Variants in KDM2A observed in about 807,000 individuals in gnomAD.
KDM2A encodes lysine-specific demethylase 2A.
Under a neutral mutation model 137.3 loss-of-function variants are expected in KDM2A, and 3 were observed. The ratio of observed to expected loss-of-function variants is 0.02; its 90% CI spans 0.01 to 0.06. The LOEUF (loss-of-function observed/expected upper bound fraction) is 0.06. KDM2A is among the 10% of genes least tolerant of loss of function. The probability of loss-of-function intolerance (pLI) is 1.00; values close to 1 mark genes in which losing one functional copy is unlikely to be tolerated. For missense variants in KDM2A, 738 were observed against 1,510.6 expected (o/e 0.49, Z 8.48); for synonymous variants, 512 against 541.5 (o/e 0.95, Z 0.76).
Position 67,257,364 on chromosome 11 carries a change from G to A in KDM2A, c.*2309G>A, listed in dbSNP as rs1438360299. 1 of 152,618 alleles carries A rather than the reference G, an allele frequency of 6.6e-6. No individual in the cohort carries two copies. Among genetic ancestry groups the A allele is most frequent in the Non-Finnish European group, 1.5e-5 (1 of 68,040 alleles). 9.5% of individuals were successfully genotyped at this position (152,618 alleles called of 1,614,324 possible). ...CTTGCTGGGTTTTCCTTTTCTTTGG[G>A]ACTGTGAGGGGAAATGGTTTTTAGA... is the stretch of plus-strand genomic sequence containing the variant. On this transcript the variant is annotated 3_prime_UTR_variant, in exon 21 of 21. Transcript: ENST00000529006.
chr11:67,163,810 A>G (rs1179553001), intron 2 of KDM2A, among the ~76,000 whole-genome samples: 1 of 151,738 alleles, frequency 6.6e-6, no homozygotes, highest in Non-Finnish European at 1.5e-5. Context: ...GAGCCGAGAT[A>G]GCACCACTGT....
intron 5 of KDM2A, among the ~76,000 whole-genome samples, chr11:67,187,990 A>G (rs1410700074): frequency 2.0e-5 from 3 of 152,060 alleles, no homozygotes; most frequent in Admixed American, 6.5e-5. Context: ...CCAGGAATTC[A>G]GAGACCAGCC....
intron 10 of KDM2A, among the ~76,000 whole-genome samples, chr11:67,227,324 G>A (rs1471232641): frequency 6.6e-6 from 1 of 152,152 alleles, no homozygotes; most frequent in Non-Finnish European, 1.5e-5. Flanking sequence ...ATTTGTAATA[G>A]CCTAATATGA....
chr11:67,213,197 T>C (rs1408154749), intron 6 of KDM2A, among the ~76,000 whole-genome samples: 3 of 152,232 alleles, frequency 2.0e-5, no homozygotes, highest in Non-Finnish European at 4.4e-5. Flanking sequence ...ACTTTATGCA[T>C]TTGTCTCCAT....
intron 5 of KDM2A, among the ~76,000 whole-genome samples, chr11:67,199,921 T>C (rs980061846): frequency 6.6e-6 from 1 of 152,184 alleles, no homozygotes; most frequent in Non-Finnish European, 1.5e-5. Context: ...TAGGGGCTAA[T>C]GCAGCTGGTG....
intron 6 of KDM2A, among the ~76,000 whole-genome samples, chr11:67,213,996 A>G (rs1858076408): frequency 1.3e-5 from 2 of 151,832 alleles, no homozygotes; most frequent in Non-Finnish European, 2.9e-5. Context: ...ACAAGTAGCT[A>G]GGACTATAGG....
Position 67,134,124 on chromosome 11 carries a change from A to G in KDM2A, c.42+12766A>G, listed in dbSNP as rs146562453. 6.0e-3 allele frequency among the ~76,000 whole-genome samples: 915 copies of G among 152,356 alleles called. 19 individuals are homozygous for G. The highest frequency in any genetic ancestry group is 8.7e-3 in the Non-Finnish European group (594 of 68,044). On this transcript the variant is annotated intron_variant, in intron 2 of 20. Coordinates refer to ENST00000529006, the MANE Select transcript of KDM2A (RefSeq NM_012308.3). ...TGGGATTTAGCTTGGATTACCAGGA[A>G]GACTGGGGGAAAGATTTTTTGAAAC...
At chr11:67,228,778 C>G (rs1425961131) in intron 11 of KDM2A, among the ~76,000 whole-genome samples, 1 of 151,886 alleles carries the variant, frequency 6.6e-6, no homozygotes, top group African/African-American at 2.4e-5. Context: ...GCCCTGTCGT[C>G]CAAGTTGAAT....
intron 10 of KDM2A, among the ~76,000 whole-genome samples, chr11:67,223,161 C>T (rs995954712): frequency 2.8e-5 from 4 of 144,546 alleles, no homozygotes; most frequent in African/African-American, 1.1e-4. Flanking sequence ...CATTGCACTC[C>T]AGCCTGGGCG....
chr11:67,253,845 G>GAGAGT (rs1167618332), intron 19 of KDM2A, among the ~76,000 whole-genome samples: 1 of 152,242 alleles, frequency 6.6e-6, no homozygotes, highest in Middle Eastern at 3.2e-3. Context: ...TTGGGGCCCA[G>GAGAGT]AGAGTGTAAG....
At chr11:67,227,406 AAT>A (rs2136418451) in intron 10 of KDM2A, among the ~76,000 whole-genome samples, 1 of 152,246 alleles carries the variant, frequency 6.6e-6, no homozygotes, top group African/African-American at 2.4e-5. Flanking sequence ...TTCAGGGGCA[AAT>A]ATAGTAAAGC....
chr11:67,125,693 C>T (rs75747404), intron 2 of KDM2A, among the ~76,000 whole-genome samples: 1 of 151,082 alleles, frequency 6.6e-6, no homozygotes, highest in African/African-American at 2.4e-5. Flanking sequence ...GCAGGAGAAT[C>T]GCTTGAACCT....
chr11:67,172,653 T>C (rs989188402), intron 2 of KDM2A, among the ~76,000 whole-genome samples: 1 of 151,062 alleles, frequency 6.6e-6, no homozygotes, highest in East Asian at 1.9e-4. Context: ...TGTGTGTGGA[T>C]TCCTTATAGT....
At chr11:67,190,457 A>C (rs1253672622) in intron 5 of KDM2A, among the ~76,000 whole-genome samples, 1 of 152,194 alleles carries the variant, frequency 6.6e-6, no homozygotes, top group African/African-American at 2.4e-5. Flanking sequence ...TTCTGTAGAA[A>C]TAAAAAGGAT....
At chr11:67,150,464 A>G (rs1316061856) in intron 2 of KDM2A, among the ~76,000 whole-genome samples, 2 of 152,188 alleles carry the variant, frequency 1.3e-5, no homozygotes, top group Admixed American at 1.3e-4. Context: ...AGTAATCTAT[A>G]GTATTTTTGG....
intron 15 of KDM2A, 140 bp downstream of exon 15, chr11:67,246,256 A>G (rs1859199891): frequency 4.5e-6 from 4 of 889,898 alleles, no homozygotes; most frequent in South Asian, 3.0e-5. Flanking sequence ...GTGGTCTAAC[A>G]TCAGCCCTTG....
chr11:67,221,520 A>G (rs1342526781), intron 10 of KDM2A, among the ~76,000 whole-genome samples: 2 of 152,208 alleles, frequency 1.3e-5, no homozygotes, highest in African/African-American at 4.8e-5. Flanking sequence ...CTATTTTGCA[A>G]CATTTATTTT....
intron 6 of KDM2A, among the ~76,000 whole-genome samples, 169 bp from the exon 7 acceptor site, chr11:67,215,171 G>C (rs1858123930): frequency 6.6e-6 from 1 of 151,892 alleles, no homozygotes; most frequent in South Asian, 2.1e-4. Flanking sequence ...TTTCTAGGAT[G>C]GTTGCCTAGT....
chr11:67,190,137 C>T (rs1229751578), intron 5 of KDM2A, among the ~76,000 whole-genome samples: 4 of 152,004 alleles, frequency 2.6e-5, no homozygotes, highest in Non-Finnish European at 4.4e-5. Flanking sequence ...GGGCCGAGCG[C>T]GGTGGCTGAC....
Sources: allele counts gnomAD v4.1 joint callset (sites outside exome capture counted in the v4.1 genomes callset), GRCh38; gene constraint gnomAD v4.1.1; transcripts MANE v1.5; gene names NCBI Gene and HGNC (gene_info 2026-07-23, HGNC 2026-07-21).